TMPRSS2: variants seen among roughly 807,000 people sequenced by gnomAD.
TMPRSS2 encodes the protein transmembrane protease serine 2.
Under a neutral mutation model 67.4 loss-of-function variants are expected in TMPRSS2, and 59 were observed. That is an observed-to-expected ratio of 0.88 (90% CI 0.71 to 1.09). The LOEUF (loss-of-function observed/expected upper bound fraction) is 1.09. Among genes scored for constraint, TMPRSS2 ranks in the 50% least tolerant of loss-of-function variants. The pLI, the probability that TMPRSS2 is intolerant of heterozygous loss-of-function variation, is 0.00. For missense variants in TMPRSS2, 668 were observed against 642.7 expected, an observed-to-expected ratio of 1.04 and a Z score of -0.43; for synonymous variants, 257 against 257.0, an observed-to-expected ratio of 1.00 and a Z score of 0.00.
intron 2 of TMPRSS2, among the ~76,000 whole-genome samples, chr21:41,497,832 C>T (rs571074719): frequency 6.6e-4 from 101 of 152,372 alleles, no homozygotes; most frequent in African/African-American, 2.3e-3. Context: ...TCTGTCCCCA[C>T]TCCTTGTCCC....
chr21:41,491,054 CA>C (rs1173264606), intron 3 of TMPRSS2, among the ~76,000 whole-genome samples: 16 of 152,112 alleles, frequency 1.1e-4, no homozygotes, highest in Admixed American at 9.8e-4. Flanking sequence ...CCATCACTCT[CA>C]AACTGTTACA....
chr21:41,498,400 C>T (rs1018614656), intron 1 of TMPRSS2, among the ~76,000 whole-genome samples: 1 of 152,184 alleles, frequency 6.6e-6, no homozygotes, highest in Admixed American at 6.5e-5. Flanking sequence ...TTAGAGGTTA[C>T]AGCAGAAGCA....
intron 1 of TMPRSS2, 149 bp from the exon 2 acceptor site, chr21:41,498,338 A>G (rs1054979463): frequency 8.4e-6 from 5 of 592,046 alleles, no homozygotes; most frequent in African/African-American, 1.9e-5. Flanking sequence ...CATCTTCACC[A>G]CTGCTTCCCC....
intron 3 of TMPRSS2, among the ~76,000 whole-genome samples, chr21:41,490,958 G>A (rs1199626566): frequency 6.6e-6 from 1 of 152,190 alleles, no homozygotes; most frequent in African/African-American, 2.4e-5. Context: ...CCGGAGGTCT[G>A]CCAGGGCGAT....
chr21:41,465,276 C>A lies in TMPRSS2; in HGVS notation c.*866G>T, dbSNP rs2091074945. The A allele has an allele frequency of 4.3e-6, 1 of 233,636 alleles. No individual in the cohort carries two copies. The highest frequency in any genetic ancestry group is 8.5e-6 in the Non-Finnish European group (1 of 118,070). The allele number at this position is 233,636 out of a possible 1,614,324, so 14.5% of individuals were successfully genotyped here. A position where few individuals can be genotyped will look rare whatever the true frequency, so the allele number is the denominator to read the frequency against. On this transcript the variant is annotated 3_prime_UTR_variant, in exon 14 of 14. Transcript: ENST00000332149. Reference sequence around the variant, plus strand: ...AAACAGTGTACCTTAAACTGAGCATCCTTGATTTCCCCCATGGACCTCAAT... The same window carrying A: ...AAACAGTGTACCTTAAACTGAGCATACTTGATTTCCCCCATGGACCTCAAT...
In TMPRSS2 at chr21:41,491,149, GCATT is replaced by G. The variant is rs1360567504; in HGVS notation, c.239-1560_239-1557del. On this transcript the variant is annotated intron_variant, in intron 3 of 13. Transcript: ENST00000332149. Reference sequence around the variant, plus strand: ...TGGGGGTCGGGCATGAATCTGCATTGCATTTTTTTTTTTTTTTTTTTTTTTTGAG... The same window carrying G: ...TGGGGGTCGGGCATGAATCTGCATTGTTTTTTTTTTTTTTTTTTTTTTGAG... Among the ~76,000 whole-genome samples, 583 of 121,444 alleles carry G rather than the reference GCATT, an allele frequency of 4.8e-3. 5 individuals carry two copies. The highest frequency in any genetic ancestry group is 0.018 in the African/African-American group (559 of 31,896). 79.7% of individuals were successfully genotyped at this position (121,444 alleles called of 152,430 possible). A position where few individuals can be genotyped will look rare whatever the true frequency, so the allele number is the denominator to read the frequency against.
intron 3 of TMPRSS2, among the ~76,000 whole-genome samples, chr21:41,489,840 G>C (rs1314591297): frequency 6.6e-6 from 1 of 152,064 alleles, no homozygotes; most frequent in African/African-American, 2.4e-5. Flanking sequence ...CCGAGGTTAG[G>C]CTCTTTTAAA....
At chr21:41,475,742 G>A (rs140793040) in intron 8 of TMPRSS2, among the ~76,000 whole-genome samples, 367 of 148,384 alleles carry the variant, frequency 2.5e-3, no homozygotes, top group Non-Finnish European at 3.6e-3. Flanking sequence ...GGTGAGTGAG[G>A]GGGTGAGGGG....
At chr21:41,483,862 G>A (rs1020511660) in intron 5 of TMPRSS2, among the ~76,000 whole-genome samples, 2 of 151,350 alleles carry the variant, frequency 1.3e-5, no homozygotes, top group Non-Finnish European at 1.5e-5. Flanking sequence ...TGGTGCTGTG[G>A]TTCATGCCTG....
chr21:41,507,188 C>T (rs1270702125), intron 1 of TMPRSS2, among the ~76,000 whole-genome samples: 2 of 152,228 alleles, frequency 1.3e-5, no homozygotes, highest in Admixed American at 6.5e-5. Context: ...TCAGCTGGAC[C>T]CGTGCTCGAG....
chr21:41,492,794 G>A (rs980241923), intron 3 of TMPRSS2, among the ~76,000 whole-genome samples: 37 of 152,180 alleles, frequency 2.4e-4, no homozygotes, highest in African/African-American at 8.2e-4. Context: ...CCAGGGGTTC[G>A]TCTGCCTTCC....
rs753199293 is a variant in TMPRSS2 at position 41,465,720 on chromosome 21, G to A, written c.*422C>T. Reference sequence around the variant, plus strand: ...GGGGACACTACCAAGTGGCCCCAGAGGGCAGCCGCTGCAGGTGCCACCTGG... The same window carrying A: ...GGGGACACTACCAAGTGGCCCCAGAAGGCAGCCGCTGCAGGTGCCACCTGG... On this transcript the variant is annotated 3_prime_UTR_variant, in exon 14 of 14. Coordinates refer to ENST00000332149, the MANE Select transcript of TMPRSS2 (RefSeq NM_005656.4). 6 of 265,704 alleles carry A rather than the reference G, an allele frequency of 2.3e-5. No individual in the cohort carries two copies. In the East Asian group the frequency reaches 2.3e-4, roughly 10 times the overall value. 16.5% of individuals were successfully genotyped at this position (265,704 alleles called of 1,614,324 possible).
chr21:41,469,405 A>ACG (rs2091111847), intron 11 of TMPRSS2, among the ~76,000 whole-genome samples: 1 of 151,486 alleles, frequency 6.6e-6, no homozygotes, highest in African/African-American at 2.4e-5. Context: ...CCCACTCCCC[A>ACG]CGCAGCTGCC....
Position 41,466,215 on chromosome 21 carries a change from AT to A in TMPRSS2, c.1468-63del, listed in dbSNP as rs2146416765. ...TTAAGACAAACAAAGGTGGAAAATAATTTTTTCCTCTAGGTTCGCATGAAGC... is the reference window on the plus strand; with the variant it reads ...TTAAGACAAACAAAGGTGGAAAATAATTTTTCCTCTAGGTTCGCATGAAGC... On this transcript the variant is annotated intron_variant, in intron 13 of 13. Transcript: ENST00000332149. 3 of 1,585,008 alleles carry A rather than the reference AT, an allele frequency of 1.9e-6. No homozygotes were observed. The East Asian group carries it at 6.7e-5, about 36-fold the overall frequency.
At chr21:41,468,273 A>G in intron 12 of TMPRSS2, 123 bp downstream of exon 12, 1 of 1,292,490 alleles carries the variant, frequency 7.7e-7, no homozygotes, top group Non-Finnish European at 1.1e-6. Context: ...ACTTCCCATG[A>G]CTGCCCCGAG....
rs778417217 is a variant in TMPRSS2, at chr21:41,498,122, G to A, written c.12C>T (p.Asn4=). MAL[N]SGSPPAIGPY... is the part of the protein sequence containing the mutation. The stretch of plus-strand genomic sequence containing the variant: ...AAGGTAATAATTAACCACTTACTGA[G>A]TTCAAAGCCATCTTGCTGTTATCAA... The change falls in exon 2 of 14, where the codon AAC becomes AAT. Residue 4 remains asparagine, a synonymous_variant. Coordinates refer to ENST00000332149, the MANE Select transcript of TMPRSS2 (RefSeq NM_005656.4). 1.2e-6 allele frequency: 2 copies of A among 1,609,248 alleles called. No homozygotes were observed. The highest frequency in any genetic ancestry group is 1.1e-5 in the South Asian group (1 of 90,784).
At chr21:41,483,521 A>G (rs1171564096) in intron 5 of TMPRSS2, among the ~76,000 whole-genome samples, 1 of 151,764 alleles carries the variant, frequency 6.6e-6, no homozygotes, top group East Asian at 1.9e-4. Flanking sequence ...ACCTCAGGCG[A>G]TCCCCACCCC....
chr21:41,495,697 A>C (rs1208904232), intron 2 of TMPRSS2, among the ~76,000 whole-genome samples: 2 of 151,978 alleles, frequency 1.3e-5, no homozygotes, highest in African/African-American at 4.8e-5. Context: ...TTCAAAAGAA[A>C]GAAAGAGGGA....
chr21:41,488,277 C>T, intron 5 of TMPRSS2, 117 bp downstream of exon 5: 1 of 1,228,944 alleles, frequency 8.1e-7, no homozygotes. Context: ...GATTCAATGA[C>T]ATCATGTGTC....
Sources: allele counts gnomAD v4.1 joint callset (sites outside exome capture counted in the v4.1 genomes callset), GRCh38; gene constraint gnomAD v4.1.1; transcripts MANE v1.5; gene names NCBI Gene and HGNC (gene_info 2026-07-23, HGNC 2026-07-21).